KIAA1328: variants seen among roughly 807,000 people sequenced by gnomAD.
KIAA1328 encodes KIAA1328, also known as protein hinderin.
In KIAA1328, 52 loss-of-function variants were observed where a neutral mutation model predicts 68.1. That is an observed-to-expected ratio of 0.76 (90% CI 0.61 to 0.96). KIAA1328 has a LOEUF of 0.96. Among genes scored for constraint, KIAA1328 ranks in the 40% least tolerant of loss-of-function variants. The pLI, the probability that KIAA1328 is intolerant of heterozygous loss-of-function variation, is 0.00. For synonymous variants in KIAA1328, 232 were observed against 239.4 expected, an observed-to-expected ratio of 0.97 and a Z score of 0.28; for missense variants, 641 against 677.6, an observed-to-expected ratio of 0.95 and a Z score of 0.60.
intron 5 of KIAA1328, among the ~76,000 whole-genome samples, chr18:36,911,790 T>G (rs2049461887): frequency 6.6e-6 from 1 of 152,194 alleles, no homozygotes; most frequent in Admixed American, 6.6e-5. Flanking sequence ...ATGTAACAGC[T>G]TCGACCTTAT....
At position 37,097,431 on chromosome 18, in the gene KIAA1328, A is replaced by G. The variant is rs1050422034; in HGVS notation, c.1232+29886A>G. Among the ~76,000 whole-genome samples, 6 of 152,214 alleles carry G rather than the reference A, an allele frequency of 3.9e-5. No individual in the cohort carries two copies. The East Asian group carries it at 1.2e-3, about 29-fold the overall frequency. On this transcript the variant is annotated intron_variant, in intron 7 of 9. Coordinates refer to ENST00000280020, the MANE Select transcript of KIAA1328 (RefSeq NM_020776.3). ...GGGCTCTGTTCTGTTCCATTGATCT[A>G]TATCTCTGTTTTGGTACCAGTACCA...
intron 5 of KIAA1328, among the ~76,000 whole-genome samples, chr18:36,936,983 A>G (rs2050523767): frequency 1.3e-5 from 2 of 152,230 alleles, no homozygotes; most frequent in Non-Finnish European, 2.9e-5. Flanking sequence ...AGTAACCAAA[A>G]CAGTGTGATA....
rs989262302 is a variant in KIAA1328 at position 37,162,868 on chromosome 18, A to G, written c.1414+2487A>G. Among the ~76,000 whole-genome samples, 21 of 151,440 alleles carry G rather than the reference A, an allele frequency of 1.4e-4. No individual in the cohort carries two copies. The East Asian group carries it at 3.5e-3, about 25-fold the overall frequency. ...TCCTCCTCACCATTCTGCCAGCTTTATGATGCTAAACATGTTAAAAAAAAA... is the reference window on the plus strand; with the variant it reads ...TCCTCCTCACCATTCTGCCAGCTTTGTGATGCTAAACATGTTAAAAAAAAA... On this transcript the variant is annotated intron_variant, in intron 8 of 9. Transcript: ENST00000280020.
intron 6 of KIAA1328, among the ~76,000 whole-genome samples, chr18:37,013,889 G>A (rs975970513): frequency 6.6e-6 from 1 of 152,204 alleles, no homozygotes; most frequent in Non-Finnish European, 1.5e-5. Flanking sequence ...TTGAATGGCA[G>A]TTCTGTTTTA....
At chr18:36,902,663 G>T (rs543055473) in intron 5 of KIAA1328, among the ~76,000 whole-genome samples, 11 of 151,974 alleles carry the variant, frequency 7.2e-5, no homozygotes, top group Non-Finnish European at 1.5e-4. Flanking sequence ...AAACAATTGG[G>T]AGAACTTTAC....
chr18:37,022,219 C>A (rs2054375681), intron 6 of KIAA1328, among the ~76,000 whole-genome samples: 2 of 151,944 alleles, frequency 1.3e-5, no homozygotes, highest in South Asian at 4.2e-4. Flanking sequence ...TAAGAATTGT[C>A]CATTTCTCTT....
intron 6 of KIAA1328, among the ~76,000 whole-genome samples, chr18:37,055,084 A>T (rs11873298): frequency 0.4 from 61,505 of 152,022 alleles, 14,309 homozygotes; most frequent in African/African-American, 0.64. Flanking sequence ...ATGAGAGCCT[A>T]GAAAATGTTT....
chr18:37,225,856 G>A (rs546740509), downstream of KIAA1328, among the ~76,000 whole-genome samples: 29 of 152,128 alleles, frequency 1.9e-4, no homozygotes, highest in Admixed American at 7.9e-4. Context: ...CGGAGACTTC[G>A]CACCTGCCCC....
intron 4 of KIAA1328, among the ~76,000 whole-genome samples, chr18:36,852,157 C>T (rs1452543306): frequency 6.6e-6 from 1 of 152,004 alleles, no homozygotes; most frequent in Non-Finnish European, 1.5e-5. Flanking sequence ...TGTATGTTTT[C>T]AGTCTTTTAA....
intron 7 of KIAA1328, among the ~76,000 whole-genome samples, chr18:37,111,828 T>C (rs879474499): frequency 1.3e-5 from 2 of 152,094 alleles, no homozygotes; most frequent in Non-Finnish European, 2.9e-5. Context: ...CACTCTAACA[T>C]TGCGCTTTCC....
chr18:36,965,115 T>A (rs569181720), intron 6 of KIAA1328, among the ~76,000 whole-genome samples: 102 of 152,310 alleles, frequency 6.7e-4, no homozygotes, highest in Admixed American at 1.1e-3. Context: ...TAACTCTGCA[T>A]TATTTTGGCA....
chr18:36,834,342 A>T lies in KIAA1328; in HGVS notation c.81A>T (p.Val27=). ...TAGTTTCTGATGAAGAACAATCAGT[A>T]GTATACGTTCCAGGTATGATTTTCT... is the stretch of plus-strand genomic sequence containing the variant. The part of the protein sequence containing the change: ...SRDFSDEEQS[V]VYVPGISAEG... Residue 27 remains valine, a synonymous_variant, in exon 2 of 10, where the codon GTA becomes GTT. Coordinates refer to ENST00000280020, the MANE Select transcript of KIAA1328 (RefSeq NM_020776.3). The T allele has an allele frequency of 6.3e-7, 1 of 1,585,016 alleles. No homozygotes were observed.
chr18:36,931,626 T>A (rs1358830042), intron 5 of KIAA1328, among the ~76,000 whole-genome samples: 1 of 152,098 alleles, frequency 6.6e-6, no homozygotes, highest in Non-Finnish European at 1.5e-5. Context: ...GTTAACCTCA[T>A]TCTTAAGATT....
chr18:37,027,714 A>C (rs954465226), intron 6 of KIAA1328, among the ~76,000 whole-genome samples: 22 of 152,162 alleles, frequency 1.4e-4, no homozygotes, highest in African/African-American at 5.3e-4. Flanking sequence ...TACAAAAATT[A>C]ATTCAAGATG....
intron 7 of KIAA1328, among the ~76,000 whole-genome samples, chr18:37,075,931 G>C (rs2056715562): frequency 6.6e-6 from 1 of 152,142 alleles, no homozygotes; most frequent in Non-Finnish European, 1.5e-5. Context: ...CAACGAGACA[G>C]AAAGTTAACA....
At chr18:37,045,256 T>G (rs2055420317) in intron 6 of KIAA1328, among the ~76,000 whole-genome samples, 1 of 152,222 alleles carries the variant, frequency 6.6e-6, no homozygotes, top group South Asian at 2.1e-4. Flanking sequence ...TAGAAATTTT[T>G]GCAACTTCTC....
At chr18:36,861,813 C>T (rs2047572580) in intron 4 of KIAA1328, among the ~76,000 whole-genome samples, 2 of 152,018 alleles carry the variant, frequency 1.3e-5, no homozygotes, top group Non-Finnish European at 2.9e-5. Flanking sequence ...AGACTACAGG[C>T]ATGCACCATC....
intron 6 of KIAA1328, among the ~76,000 whole-genome samples, chr18:36,977,278 A>G (rs2052508271): frequency 6.6e-6 from 1 of 152,178 alleles, no homozygotes; most frequent in South Asian, 2.1e-4. Context: ...CTCATTGGCT[A>G]GCTAACTGTG....
At chr18:36,958,829 C>A (rs1006433275) in intron 5 of KIAA1328, among the ~76,000 whole-genome samples, 1 of 151,786 alleles carries the variant, frequency 6.6e-6, no homozygotes, top group Admixed American at 6.6e-5. Flanking sequence ...AATCATTTTA[C>A]ATTTCGAAGT....
Sources: gnomAD v4.1 joint callset for allele counts (sites outside exome capture counted in the v4.1 genomes callset) on GRCh38, gnomAD v4.1.1 for gene constraint, MANE v1.5 for transcripts, NCBI Gene and HGNC (gene_info 2026-07-23, HGNC 2026-07-21) for gene names.